Variants in CHD2 observed in about 807,000 individuals in gnomAD.
The protein encoded by CHD2 is ATP-dependent chromatin remodeler CHD2.
In CHD2, 28 loss-of-function variants were observed where a neutral mutation model predicts 243.9. That is an observed-to-expected ratio of 0.11 (90% CI 0.09 to 0.16). CHD2 has a LOEUF of 0.16. Ranked by LOEUF, CHD2 falls within the 10% of genes least tolerant of loss-of-function variation. The pLI is 1.00. For synonymous variants in CHD2, 775 were observed against 779.0 expected, an observed-to-expected ratio of 0.99 and a Z score of 0.09; for missense variants, 1,386 against 2,209.8, an observed-to-expected ratio of 0.63 and a Z score of 7.47.
In CHD2 at chr15:92,946,007, C is replaced by G. The variant is rs377081179; in HGVS notation, c.1199-31C>G. On this transcript the variant is annotated intron_variant, in intron 11 of 38. Transcript: ENST00000394196. ...ATTTTTCACTTTTAATTGACAGTTG[C>G]TAATCTATAAATTTTTTTTATATGA... The G allele has an allele frequency of 2.6e-6, 4 of 1,534,688 alleles. No individual in the cohort carries two copies. In the African/African-American group the frequency reaches 5.6e-5, roughly 21 times the overall value.
At chr15:92,912,818 G>T (rs1323158125) in intron 2 of CHD2, among the ~76,000 whole-genome samples, 1 of 152,226 alleles carries the variant, frequency 6.6e-6, no homozygotes, top group South Asian at 2.1e-4. Context: ...CCAAAGTGCT[G>T]GGATTACAGG....
Position 93,027,791 on chromosome 15 carries a change from G to A in CHD2, c.*3086G>A, listed in dbSNP as rs184443272. Reference sequence around the variant, plus strand: ...GTGCCCCACTCATCTGGGGACAGATGGTTTTTCTTTATTGTAAAATTGTGG... The same window carrying A: ...GTGCCCCACTCATCTGGGGACAGATAGTTTTTCTTTATTGTAAAATTGTGG... On this transcript the variant is annotated 3_prime_UTR_variant, in exon 39 of 39. Coordinates refer to ENST00000394196, the MANE Select transcript of CHD2 (RefSeq NM_001271.4). 1.7e-3 allele frequency: 262 copies of A among 152,686 alleles called. 1 individual carries two copies. The highest frequency in any genetic ancestry group is 2.4e-3 in the Non-Finnish European group (163 of 68,028). The allele number at this position is 152,686 out of a possible 1,614,324, so 9.5% of individuals were successfully genotyped here. A position where few individuals can be genotyped will look rare whatever the true frequency, so the allele number is the denominator to read the frequency against.
intron 35 of CHD2, among the ~76,000 whole-genome samples, chr15:93,010,544 C>A: frequency 6.6e-6 from 1 of 152,100 alleles, no homozygotes; most frequent in East Asian, 1.9e-4. Flanking sequence ...CTGCTTCAGC[C>A]TCCTAAGTAG....
chr15:93,016,961 C>T (rs894870190), intron 37 of CHD2, among the ~76,000 whole-genome samples: 3 of 152,000 alleles, frequency 2.0e-5, no homozygotes, highest in African/African-American at 4.8e-5. Context: ...GCCAATATGA[C>T]GAGATGACCA....
At chr15:92,915,337 C>T (rs773615961) in intron 2 of CHD2, among the ~76,000 whole-genome samples, 12 of 151,646 alleles carry the variant, frequency 7.9e-5, no homozygotes, top group Non-Finnish European at 1.5e-4. Context: ...TGCAGTGGTG[C>T]GATCTCAGCT....
chr15:93,018,438 T>C (rs1201700923), intron 37 of CHD2, among the ~76,000 whole-genome samples: 2 of 152,212 alleles, frequency 1.3e-5, no homozygotes, highest in African/African-American at 2.4e-5. Flanking sequence ...GAGACACTTA[T>C]TTGGTGGCAT....
At chr15:92,945,918 T>C in intron 11 of CHD2, 53 bp downstream of exon 11, 4 of 1,482,704 alleles carry the variant, frequency 2.7e-6, no homozygotes, top group South Asian at 1.2e-5. Flanking sequence ...GAACAGTGTA[T>C]GTTTTGCAGA....
intron 26 of CHD2, among the ~76,000 whole-genome samples, chr15:92,990,792 G>C (rs1230448271): frequency 6.6e-6 from 1 of 152,116 alleles, no homozygotes; most frequent in Non-Finnish European, 1.5e-5. Flanking sequence ...GTGTCATGAA[G>C]TCCTGGTTTT....
At chr15:92,901,513 C>T (rs2052528627) in intron 2 of CHD2, 3 of 579,526 alleles carry the variant, frequency 5.2e-6, no homozygotes, top group Non-Finnish European at 9.2e-6. Context: ...GACTTAAGGC[C>T]TCTTACAGCA....
intron 2 of CHD2, chr15:92,904,760 C>A: frequency 2.2e-6 from 3 of 1,391,932 alleles, no homozygotes; most frequent in South Asian, 3.4e-5. Context: ...CTTTTCATAC[C>A]TTAGCGTCCC....
Position 93,011,878 on chromosome 15 carries a change from A to G in CHD2, c.4593-467A>G, listed in dbSNP as rs112338590. ...AACTGAATGGAGGCCACAACCTGGG[A>G]GATGGTGGTGCTGATGGATTTGTGG... On this transcript the variant is annotated intron_variant, in intron 35 of 38. Coordinates refer to ENST00000394196, the MANE Select transcript of CHD2 (RefSeq NM_001271.4). 8.2e-3 allele frequency among the ~76,000 whole-genome samples: 1,249 copies of G among 152,238 alleles called. 16 individuals carry two copies. The highest frequency in any genetic ancestry group is 0.029 in the African/African-American group (1,196 of 41,526).
At chr15:92,940,850 A>C (rs2053355629) in intron 7 of CHD2, among the ~76,000 whole-genome samples, 1 of 106,648 alleles carries the variant, frequency 9.4e-6, no homozygotes, top group Non-Finnish European at 2.2e-5. Context: ...AAATATATAT[A>C]AATATATAAA....
At chr15:92,912,679 G>A (rs2052759981) in intron 2 of CHD2, among the ~76,000 whole-genome samples, 1 of 152,142 alleles carries the variant, frequency 6.6e-6, no homozygotes, top group South Asian at 2.1e-4. Flanking sequence ...GACCACAGGT[G>A]CCCGCCACCA....
intron 13 of CHD2, 49 bp from the exon 14 acceptor site, chr15:92,953,308 T>C (rs752666837): frequency 8.7e-6 from 13 of 1,501,352 alleles, no homozygotes; most frequent in Admixed American, 1.7e-5. Context: ...ATTCTGTGTT[T>C]TGGTGAACTA....
chr15:93,003,738 C>T lies in CHD2; in HGVS notation c.4279-879C>T, dbSNP rs191129679. On this transcript the variant is annotated intron_variant, in intron 33 of 38. Transcript: ENST00000394196. ...CATAACCACTACTGTGAAGTGGGTCCGAAACCTTCCTGTTCATGTTTTTAT... is the reference window on the plus strand; with the variant it reads ...CATAACCACTACTGTGAAGTGGGTCTGAAACCTTCCTGTTCATGTTTTTAT... 2.6e-5 allele frequency among the ~76,000 whole-genome samples: 4 copies of T among 152,040 alleles called. No homozygotes were observed. The East Asian group carries it at 7.7e-4, about 29-fold the overall frequency.
At position 92,997,467 on chromosome 15, in the gene CHD2, T is replaced by G; in HGVS notation, c.3885+64T>G. On this transcript the variant is annotated intron_variant, in intron 30 of 38. Transcript: ENST00000394196. The surrounding 1 kb of genome is among the most constrained non-coding windows in gnomAD (Gnocchi z 4.1). ...TGTTGTGTAATATTTTTATATCGAT[T>G]ACTTATTTCTAACTATTTTCGAGGG... 7.2e-7 allele frequency: 1 copy of G among 1,385,506 alleles called. No individual in the cohort carries two copies. The highest frequency in any genetic ancestry group is 9.7e-7 in the Non-Finnish European group (1 of 1,035,154). The allele number at this position is 1,385,506 out of a possible 1,614,324, so 85.8% of individuals were successfully genotyped here. A position where few individuals can be genotyped will look rare whatever the true frequency, so the allele number is the denominator to read the frequency against.
intron 36 of CHD2, among the ~76,000 whole-genome samples, chr15:93,012,869 G>A (rs1275669094): frequency 2.0e-5 from 3 of 152,214 alleles, no homozygotes; most frequent in African/African-American, 7.2e-5. Context: ...GTGCTCAGAA[G>A]TTGCCTCTCC....
chr15:92,961,530 GC>G lies in CHD2; in HGVS notation c.2000+4882del, dbSNP rs1287392776. On this transcript the variant is annotated intron_variant, in intron 16 of 38. Coordinates refer to ENST00000394196, the MANE Select transcript of CHD2 (RefSeq NM_001271.4). ...TCCTCCCACTTCTGTCTCTTGAGTA[GC>G]TGGGGCTGCAGATGTGCACCACAAT... is the stretch of plus-strand genomic sequence containing the variant. Among the ~76,000 whole-genome samples, 8 of 152,234 alleles carry G rather than the reference GC, an allele frequency of 5.3e-5. No individual in the cohort carries two copies. In the South Asian group the frequency reaches 8.3e-4, roughly 16 times the overall value.
Position 92,927,225 on chromosome 15 carries a change from T to A in CHD2, c.295-19T>A. 1 of 1,560,722 alleles carries A rather than the reference T, an allele frequency of 6.4e-7. No homozygotes were observed. Among genetic ancestry groups the A allele is most frequent in the Non-Finnish European group, 8.8e-7 (1 of 1,133,272 alleles). Reference sequence around the variant, plus strand: ...GGGGTCAAGAAAAAAGATTAATGCGTGGTCTCTTAATTTTACAGATGTGGG... The same window carrying A: ...GGGGTCAAGAAAAAAGATTAATGCGAGGTCTCTTAATTTTACAGATGTGGG... On this transcript the variant is annotated intron_variant, in intron 3 of 38. Coordinates refer to ENST00000394196, the MANE Select transcript of CHD2 (RefSeq NM_001271.4).
Sources: gnomAD v4.1 joint callset for allele counts (sites outside exome capture counted in the v4.1 genomes callset) on GRCh38, gnomAD v4.1.1 for gene constraint, Gnocchi (gnomAD v3.1) non-coding constraint, MANE v1.5 for transcripts, NCBI Gene and HGNC (gene_info 2026-07-23, HGNC 2026-07-21) for gene names.